Variants in FGF12 observed in about 807,000 individuals in gnomAD.
FGF12 encodes fibroblast growth factor 12, also known as fibroblast growth factor 12B.
FGF12 carries 14 observed loss-of-function variants against 23.6 expected under a neutral mutation model. The observed-to-expected ratio is 0.59, with a 90% CI of 0.39 to 0.93. The LOEUF (loss-of-function observed/expected upper bound fraction) is 0.93, where lower values mean the gene tolerates loss of function less well. FGF12 is among the 40% of genes least tolerant of loss of function. FGF12 has a pLI of 0.00. For synonymous variants in FGF12, 62 were observed against 77.3 expected (o/e 0.80, Z 1.04); for missense variants, 175 against 217.8 (o/e 0.80, Z 1.24).
chr3:192,488,687 G>A (rs1400231387), intron 2 of FGF12, among the ~76,000 whole-genome samples: 2 of 151,962 alleles, frequency 1.3e-5, no homozygotes, highest in Non-Finnish European at 2.9e-5. Flanking sequence ...TGAGAACCTC[G>A]TCTTGCTGCT....
At chr3:192,611,557 G>T (rs754000675) in intron 2 of FGF12, among the ~76,000 whole-genome samples, 4 of 151,940 alleles carry the variant, frequency 2.6e-5, no homozygotes, top group African/African-American at 9.7e-5. Flanking sequence ...GCACCGTCAG[G>T]CAATGGTTCT....
chr3:192,415,519 G>T (rs1282804240), intron 2 of FGF12, among the ~76,000 whole-genome samples: 3 of 152,006 alleles, frequency 2.0e-5, no homozygotes, highest in Non-Finnish European at 4.4e-5. Context: ...TCAACTCTTT[G>T]TATCAGGAAA....
intron 2 of FGF12, among the ~76,000 whole-genome samples, chr3:192,574,011 T>A (rs748643944): frequency 1.3e-3 from 193 of 152,332 alleles, no homozygotes; most frequent in Non-Finnish European, 1.4e-3. Flanking sequence ...AGCCATTCCC[T>A]AACAGAGGAT....
chr3:192,220,761 T>C (rs1393445615), intron 4 of FGF12, among the ~76,000 whole-genome samples: 1 of 152,180 alleles, frequency 6.6e-6, no homozygotes, highest in Non-Finnish European at 1.5e-5. Context: ...AAAAGAAGCC[T>C]TAGAAATTTG....
chr3:192,252,493 A>G (rs1311034712), intron 4 of FGF12, among the ~76,000 whole-genome samples: 4 of 133,816 alleles, frequency 3.0e-5, no homozygotes, highest in African/African-American at 1.1e-4. Flanking sequence ...AAAAAAAAAA[A>G]GAAAAGAGAA....
intron 2 of FGF12, among the ~76,000 whole-genome samples, chr3:192,396,460 G>T (rs954486764): frequency 6.6e-6 from 1 of 152,206 alleles, no homozygotes; most frequent in African/African-American, 2.4e-5. Context: ...GCCCTAAAAG[G>T]AGGCAGCTGT....
chr3:192,399,620 AGGAATT>A (rs1720673016), intron 2 of FGF12, among the ~76,000 whole-genome samples: 1 of 152,250 alleles, frequency 6.6e-6, no homozygotes, highest in Admixed American at 6.5e-5. Context: ...TATGAAATAA[AGGAATT>A]GGAACAGGTT....
At chr3:192,709,486 C>G (rs956228029) in intron 2 of FGF12, among the ~76,000 whole-genome samples, 1 of 152,036 alleles carries the variant, frequency 6.6e-6, no homozygotes, top group Non-Finnish European at 1.5e-5. Context: ...AATAATTGGG[C>G]TTTTGGGTGG....
At chr3:192,618,826 C>T (rs185439254) in intron 2 of FGF12, among the ~76,000 whole-genome samples, 18 of 151,778 alleles carry the variant, frequency 1.2e-4, no homozygotes, top group Admixed American at 7.2e-4. Context: ...TCCAAGAATC[C>T]GCCTTAAATT....
At chr3:192,223,136 A>G (rs561124422) in intron 4 of FGF12, among the ~76,000 whole-genome samples, 3 of 152,280 alleles carry the variant, frequency 2.0e-5, no homozygotes, top group Non-Finnish European at 4.4e-5. Context: ...TCTTTTAGCT[A>G]TGTACCTTCA....
At chr3:192,585,212 A>G (rs937038222) in intron 2 of FGF12, among the ~76,000 whole-genome samples, 3 of 152,154 alleles carry the variant, frequency 2.0e-5, no homozygotes, top group African/African-American at 7.2e-5. Flanking sequence ...GTGCCTGGTA[A>G]ATGCTGGACA....
At chr3:192,702,968 C>A (rs1345804686) in intron 2 of FGF12, among the ~76,000 whole-genome samples, 2 of 152,100 alleles carry the variant, frequency 1.3e-5, no homozygotes, top group Non-Finnish European at 2.9e-5. Flanking sequence ...GCAGGAGATT[C>A]CAAACTGATT....
intron 2 of FGF12, among the ~76,000 whole-genome samples, chr3:192,412,045 G>A (rs1378306699): frequency 6.6e-6 from 1 of 152,136 alleles, no homozygotes; most frequent in Non-Finnish European, 1.5e-5. Flanking sequence ...ACACGAAGTG[G>A]AAGTCTGTAT....
intron 2 of FGF12, among the ~76,000 whole-genome samples, chr3:192,571,047 A>T (rs1201195050): frequency 1.3e-5 from 2 of 151,926 alleles, no homozygotes; most frequent in Non-Finnish European, 2.9e-5. Flanking sequence ...CACCTTTCCA[A>T]TTCCTCTCTG....
intron 2 of FGF12, among the ~76,000 whole-genome samples, chr3:192,586,871 C>A (rs537653212): frequency 6.6e-5 from 10 of 152,266 alleles, no homozygotes; most frequent in Admixed American, 3.9e-4. Context: ...TGTTAAAATT[C>A]TTTCTATTAA....
chr3:192,491,385 C>T (rs1475110317), intron 2 of FGF12, among the ~76,000 whole-genome samples: 5 of 152,036 alleles, frequency 3.3e-5, no homozygotes, highest in Admixed American at 3.3e-4. Context: ...AACATAGGTA[C>T]CAAAAATCAG....
chr3:192,297,110 A>G (rs1392004737), intron 4 of FGF12, among the ~76,000 whole-genome samples: 1 of 152,230 alleles, frequency 6.6e-6, no homozygotes, highest in African/African-American at 2.4e-5. Context: ...GAAGAACAAT[A>G]AAAGTACTAG....
intron 2 of FGF12, among the ~76,000 whole-genome samples, chr3:192,413,201 T>C (rs1231287024): frequency 6.6e-6 from 1 of 152,204 alleles, no homozygotes; most frequent in Non-Finnish European, 1.5e-5. Context: ...CCAAATCTAC[T>C]ATTAGGGCTA....
chr3:192,581,454 G>GTA (rs1249760569), intron 2 of FGF12, among the ~76,000 whole-genome samples: 7 of 130,206 alleles, frequency 5.4e-5, no homozygotes, highest in East Asian at 2.4e-4. Flanking sequence ...ATATGTGTGT[G>GTA]TATATATATA....
Sources: allele counts gnomAD v4.1 joint callset (sites outside exome capture counted in the v4.1 genomes callset), GRCh38; gene constraint gnomAD v4.1.1; transcripts MANE v1.5; gene names NCBI Gene and HGNC (gene_info 2026-07-23, HGNC 2026-07-21).